The following VEGFC variants were observed in gnomAD, a reference collection of about 807,000 sequenced individuals.
VEGFC encodes FLT4 ligand DHM.
In VEGFC, 12 loss-of-function variants were observed where a neutral mutation model predicts 46.1. The ratio of observed to expected loss-of-function variants is 0.26; its 90% CI spans 0.17 to 0.42. VEGFC has a LOEUF of 0.42. Among genes scored for constraint, VEGFC ranks in the 10% least tolerant of loss-of-function variants. The pLI, the probability that VEGFC is intolerant of heterozygous loss-of-function variation, is 1.00. For synonymous variants in VEGFC, 232 were observed against 195.5 expected (o/e 1.19, Z -1.56); for missense variants, 488 against 529.4 (o/e 0.92, Z 0.77).
intron 1 of VEGFC, among the ~76,000 whole-genome samples, chr4:176,777,954 T>C (rs112134709): frequency 0.091 from 12,632 of 139,096 alleles, 1,982 homozygotes; most frequent in African/African-American, 0.29. Flanking sequence ...AAAAAAGCTA[T>C]TCTTGTTATA....
chr4:176,757,401 C>T (rs12641359), intron 1 of VEGFC, among the ~76,000 whole-genome samples: 8,495 of 152,022 alleles, frequency 0.056, 452 homozygotes, highest in African/African-American at 0.12. Flanking sequence ...ACATTATCCA[C>T]CTCTTCTAAT....
intron 1 of VEGFC, among the ~76,000 whole-genome samples, chr4:176,748,163 C>A (rs997460431): frequency 6.6e-6 from 1 of 152,154 alleles, no homozygotes; most frequent in Admixed American, 6.6e-5. Context: ...GACATACATA[C>A]AATTTATTTT....
At position 176,761,010 on chromosome 4, in the gene VEGFC, AATTTGAAGT is replaced by A. The variant is rs1359996727; in HGVS notation, c.147+31146_147+31154del. On this transcript the variant is annotated intron_variant, in intron 1 of 6. Transcript: ENST00000618562. The stretch of plus-strand genomic sequence containing the variant: ...ATGGGCAAAGTTCAAAGATCCCATG[AATTTGAAGT>A]GATTTCCTCCACTTCAGAAGTGGAA... 5.9e-5 allele frequency among the ~76,000 whole-genome samples: 9 copies of A among 152,352 alleles called. No homozygotes were observed. In the East Asian group the frequency reaches 1.7e-3, roughly 29 times the overall value.
At chr4:176,760,361 A>G (rs1397328318) in intron 1 of VEGFC, among the ~76,000 whole-genome samples, 1 of 152,204 alleles carries the variant, frequency 6.6e-6, no homozygotes, top group Non-Finnish European at 1.5e-5. Context: ...ATATTAGGCA[A>G]TAGGCTTTTC....
At chr4:176,684,963 G>A (rs921390584) in intron 6 of VEGFC, among the ~76,000 whole-genome samples, 1 of 152,196 alleles carries the variant, frequency 6.6e-6, no homozygotes. Flanking sequence ...CTGGCCTCAA[G>A]TGATCTGCCC....
At chr4:176,770,747 G>A (rs1172464642) in intron 1 of VEGFC, among the ~76,000 whole-genome samples, 8 of 152,130 alleles carry the variant, frequency 5.3e-5, no homozygotes, top group Admixed American at 5.2e-4. Flanking sequence ...AGGACACAGA[G>A]TTCAATACAA....
At chr4:176,729,388 T>G in intron 2 of VEGFC, 145 bp downstream of exon 2, 1 of 651,902 alleles carries the variant, frequency 1.5e-6, no homozygotes, top group Non-Finnish European at 2.5e-6. Flanking sequence ...AAATGTTGTA[T>G]TTTGAAGTAA....
Position 176,763,957 on chromosome 4 carries a change from T to C in VEGFC, c.147+28208A>G, listed in dbSNP as rs577833632. On this transcript the variant is annotated intron_variant, in intron 1 of 6. Transcript: ENST00000618562. ...CCAAAGGCCTATCCAAACAAAAATGTGTTCCCTTAGTCACTAAGCCATACT... is the reference window on the plus strand; with the variant it reads ...CCAAAGGCCTATCCAAACAAAAATGCGTTCCCTTAGTCACTAAGCCATACT... 2.0e-5 allele frequency among the ~76,000 whole-genome samples: 3 copies of C among 148,704 alleles called. No homozygotes were observed. The South Asian group carries it at 6.2e-4, about 31-fold the overall frequency.
chr4:176,783,069 G>A (rs971985033), intron 1 of VEGFC, among the ~76,000 whole-genome samples: 1 of 152,178 alleles, frequency 6.6e-6, no homozygotes, highest in East Asian at 1.9e-4. Flanking sequence ...AGCACTGACT[G>A]GCAAATTGAC....
intron 1 of VEGFC, among the ~76,000 whole-genome samples, chr4:176,763,595 T>C (rs577879788): frequency 6.6e-6 from 1 of 152,316 alleles, no homozygotes; most frequent in Admixed American, 6.5e-5. Flanking sequence ...TTATAGATCT[T>C]AAGTATATGT....
At chr4:176,692,509 C>A (rs1385465885) in intron 4 of VEGFC, among the ~76,000 whole-genome samples, 2 of 134,674 alleles carry the variant, frequency 1.5e-5, no homozygotes, top group Non-Finnish European at 1.5e-5. Flanking sequence ...GCTAGCACAG[C>A]AGTCTGAGAT....
intron 4 of VEGFC, among the ~76,000 whole-genome samples, chr4:176,692,590 A>C (rs1579087685): frequency 1.5e-5 from 2 of 135,832 alleles, no homozygotes; most frequent in South Asian, 4.3e-4. Flanking sequence ...AGGTAAACAA[A>C]GCAGCCGGGA....
intron 1 of VEGFC, among the ~76,000 whole-genome samples, chr4:176,774,068 A>G (rs886893425): frequency 6.6e-6 from 1 of 152,112 alleles, no homozygotes; most frequent in Admixed American, 6.6e-5. Context: ...TTTGTTTAGA[A>G]TATTAAATAA....
At chr4:176,774,577 A>C (rs1375921662) in intron 1 of VEGFC, among the ~76,000 whole-genome samples, 1 of 152,164 alleles carries the variant, frequency 6.6e-6, no homozygotes, top group Non-Finnish European at 1.5e-5. Context: ...TGAAACCAAA[A>C]ATTTAAGTAT....
chr4:176,759,662 C>T (rs1325326387), intron 1 of VEGFC, among the ~76,000 whole-genome samples: 2 of 151,846 alleles, frequency 1.3e-5, no homozygotes, highest in Non-Finnish European at 2.9e-5. Context: ...TTAATCATTC[C>T]ACAATGTACT....
At chr4:176,720,446 T>C (rs1216340248) in intron 3 of VEGFC, among the ~76,000 whole-genome samples, 5 of 152,184 alleles carry the variant, frequency 3.3e-5, no homozygotes, top group Non-Finnish European at 7.3e-5. Context: ...TATTCAAATA[T>C]TCATTTTATT....
chr4:176,703,470 G>C (rs957265875), intron 4 of VEGFC, among the ~76,000 whole-genome samples: 1 of 152,064 alleles, frequency 6.6e-6, no homozygotes, highest in African/African-American at 2.4e-5. Flanking sequence ...TAGAGTCTGG[G>C]AAGTGTGGGT....
At chr4:176,737,921 G>A (rs10012721) in intron 1 of VEGFC, among the ~76,000 whole-genome samples, 2 of 151,770 alleles carry the variant, frequency 1.3e-5, no homozygotes, top group Admixed American at 6.6e-5. Flanking sequence ...TTTAATGGTT[G>A]TGATGGTGAT....
intron 4 of VEGFC, among the ~76,000 whole-genome samples, chr4:176,694,193 TAA>T (rs1468458855): frequency 1.3e-5 from 2 of 151,398 alleles, no homozygotes; most frequent in African/African-American, 4.9e-5. Context: ...GCAAATTGGA[TAA>T]AGAGTCAAGA....
Sources: allele counts gnomAD v4.1 joint callset (sites outside exome capture counted in the v4.1 genomes callset), GRCh38; gene constraint gnomAD v4.1.1; transcripts MANE v1.5; gene names NCBI Gene and HGNC (gene_info 2026-07-23, HGNC 2026-07-21).